The following TDP1 variants were observed in gnomAD, a reference collection of about 807,000 sequenced individuals.
The protein encoded by TDP1 is tyr-DNA phosphodiesterase 1.
A neutral mutation model predicts 81.5 loss-of-function variants in TDP1; 64 were observed. The observed-to-expected ratio is 0.79, with a 90% confidence interval of 0.64 to 0.97. The LOEUF is 0.97. Ranked by LOEUF, TDP1 falls within the 50% of genes least tolerant of loss-of-function variation. TDP1 has a pLI of 0.00. For missense variants in TDP1, 723 were observed against 743.8 expected (o/e 0.97, Z 0.33); for synonymous variants, 256 against 264.3 (o/e 0.97, Z 0.30).
At chr14:90,001,088 C>G (rs1897152602) in intron 14 of TDP1, among the ~76,000 whole-genome samples, 1 of 152,096 alleles carries the variant, frequency 6.6e-6, no homozygotes, top group African/African-American at 2.4e-5. Context: ...ATCTTATTGC[C>G]TGTTATGTCT....
rs771421318 is a variant in TDP1, at chr14:90,019,391, C to T, written c.1617C>T (p.Leu539=). 7 of 1,609,548 alleles carry T rather than the reference C, an allele frequency of 4.3e-6. No homozygotes were observed. In the East Asian group the frequency reaches 8.9e-5, roughly 21 times the overall value. The change falls in exon 15 of 17, where the codon CTC becomes CTT. Residue 539 remains leucine (L), a synonymous_variant. Transcript: ENST00000335725. ...GTQLMIRSYE[L]GVLFLPSAFG... The stretch of plus-strand genomic sequence containing the variant: ...AGCTGATGATCCGCTCCTACGAGCT[C>T]GGGGTCCTTTTCCTCCCTTCAGCAT...
rs1419672880 is a variant in TDP1 at position 90,044,406 on chromosome 14, A to C, written c.*1263A>C. 1 of 152,020 alleles carries C rather than the reference A, an allele frequency of 6.6e-6. No individual in the cohort carries two copies. The highest frequency in any genetic ancestry group is 6.6e-5 in the Admixed American group (1 of 15,250). 9.4% of individuals were successfully genotyped at this position (152,020 alleles called of 1,614,324 possible). ...TTGTGTTCTCCCTAGGGTGCTTTAG[A>C]CCCTGTTTGTTTTCTTCTGCATGAG... On this transcript the variant is annotated 3_prime_UTR_variant, in exon 17 of 17. Transcript: ENST00000335725.
chr14:90,024,370 A>G (rs1179670867), intron 15 of TDP1, among the ~76,000 whole-genome samples: 4 of 151,864 alleles, frequency 2.6e-5, no homozygotes, highest in Non-Finnish European at 4.4e-5. Flanking sequence ...TGCATCCACA[A>G]CTTTCTAGAA....
chr14:89,970,663 C>T (rs1893518422), intron 5 of TDP1: 1 of 210,930 alleles, frequency 4.7e-6, no homozygotes, highest in Non-Finnish European at 8.2e-6. Context: ...AGAATCAGGC[C>T]ATGTAGCCCC....
chr14:89,971,138 G>A, intron 5 of TDP1, 37 bp from the exon 6 acceptor site: 1 of 1,573,234 alleles, frequency 6.4e-7, no homozygotes, highest in Non-Finnish European at 8.7e-7. Flanking sequence ...GCCTGGCCAT[G>A]AATGATGTAT....
At chr14:89,977,456 T>G (rs1455578851) in intron 7 of TDP1, among the ~76,000 whole-genome samples, 1 of 151,966 alleles carries the variant, frequency 6.6e-6, no homozygotes, top group African/African-American at 2.4e-5. Context: ...TGCCACCACG[T>G]CCAGCTAATT....
chr14:89,978,795 A>G (rs768371014), intron 7 of TDP1, among the ~76,000 whole-genome samples: 4 of 152,226 alleles, frequency 2.6e-5, no homozygotes, highest in African/African-American at 4.8e-5. Flanking sequence ...GCAACTGTGT[A>G]TGTAAATTTG....
At chr14:90,015,941 A>G (rs8017752) in intron 14 of TDP1, among the ~76,000 whole-genome samples, 8,554 of 152,212 alleles carry the variant, frequency 0.056, 512 homozygotes, top group African/African-American at 0.15. Flanking sequence ...TCTACCCTCA[A>G]CCACAATTTC....
intron 2 of TDP1, among the ~76,000 whole-genome samples, chr14:89,958,677 G>A (rs536004520): frequency 6.6e-6 from 1 of 152,338 alleles, no homozygotes; most frequent in South Asian, 2.1e-4. Flanking sequence ...AGAGGAAAGT[G>A]TGCCAAGTGG....
intron 2 of TDP1, chr14:89,957,207 A>T (rs1566834828): frequency 6.6e-6 from 1 of 152,148 alleles, no homozygotes; most frequent in Non-Finnish European, 1.5e-5. Context: ...ATACTTATAA[A>T]ATGTAATGAA....
At chr14:89,961,089 C>A (rs1278329646) in intron 2 of TDP1, among the ~76,000 whole-genome samples, 1 of 152,136 alleles carries the variant, frequency 6.6e-6, no homozygotes, top group Non-Finnish European at 1.5e-5. Flanking sequence ...GTGGGAGGAG[C>A]TATGAATATT....
intron 16 of TDP1, 164 bp from the exon 17 acceptor site, chr14:90,042,906 G>T (rs1002894290): frequency 1.0e-6 from 1 of 985,396 alleles, no homozygotes; most frequent in Non-Finnish European, 1.2e-6. Context: ...AGGAGCCTTC[G>T]CTAAAAGCTG....
chr14:90,038,789 G>A (rs754698648), intron 16 of TDP1, among the ~76,000 whole-genome samples: 1 of 151,968 alleles, frequency 6.6e-6, no homozygotes, highest in African/African-American at 2.4e-5. Context: ...AGTGAGCTGA[G>A]ATCGTGTCAC....
At chr14:89,974,277 G>T (rs959602825) in intron 6 of TDP1, among the ~76,000 whole-genome samples, 1 of 152,122 alleles carries the variant, frequency 6.6e-6, no homozygotes, top group African/African-American at 2.4e-5. Context: ...CTTGTTTTTT[G>T]TGCTTAGACT....
intron 4 of TDP1, 87 bp from the exon 5 acceptor site, chr14:89,967,280 C>G (rs1893048563): frequency 1.4e-6 from 2 of 1,442,934 alleles, no homozygotes; most frequent in African/African-American, 2.8e-5. Flanking sequence ...TTAGAGTTTC[C>G]TTAAATGTAA....
intron 6 of TDP1, among the ~76,000 whole-genome samples, chr14:89,971,623 C>T (rs1194439255): frequency 6.6e-6 from 1 of 152,208 alleles, no homozygotes; most frequent in Non-Finnish European, 1.5e-5. Context: ...TTCGTTTTCT[C>T]TCTTTAATTC....
At chr14:89,989,206 TTTG>T in intron 11 of TDP1, 116 bp downstream of exon 11, 1 of 1,386,220 alleles carries the variant, frequency 7.2e-7, no homozygotes, top group Non-Finnish European at 9.8e-7. Flanking sequence ...TTTTTTTTTT[TTTG>T]GCGTGGCGGG....
At chr14:89,992,016 T>G (rs1896237953) in intron 13 of TDP1, 33 bp downstream of exon 13, 3 of 1,575,920 alleles carry the variant, frequency 1.9e-6, no homozygotes, top group Non-Finnish European at 2.6e-6. Flanking sequence ...TGCTATTGCT[T>G]CTTTAGGAAT....
chr14:90,036,652 T>C (rs993555081), intron 16 of TDP1, among the ~76,000 whole-genome samples: 2 of 152,224 alleles, frequency 1.3e-5, no homozygotes, highest in Admixed American at 6.5e-5. Context: ...ATTGAGAGCC[T>C]ATTGTGTGCA....
Sources: gnomAD v4.1 joint callset for allele counts (sites outside exome capture counted in the v4.1 genomes callset) on GRCh38, gnomAD v4.1.1 for gene constraint, MANE v1.5 for transcripts, NCBI Gene and HGNC (gene_info 2026-07-23, HGNC 2026-07-21) for gene names.